The following ZFAT variants were observed in gnomAD, a reference collection of about 807,000 sequenced individuals.
ZFAT encodes zinc finger protein ZFAT.
ZFAT carries 64 observed loss-of-function variants against 117.7 expected under a neutral mutation model. The ratio of observed to expected loss-of-function variants is 0.54; its 90% CI spans 0.44 to 0.67. The LOEUF is 0.67. ZFAT is among the 30% of genes least tolerant of loss of function. ZFAT has a pLI of 0.00. For synonymous variants in ZFAT, 679 were observed against 615.0 expected, an observed-to-expected ratio of 1.10 and a Z score of -1.54; for missense variants, 1,433 against 1,584.5, an observed-to-expected ratio of 0.90 and a Z score of 1.62.
intron 11 of ZFAT, among the ~76,000 whole-genome samples, chr8:134,549,456 A>G (rs1822969135): frequency 6.6e-6 from 1 of 151,606 alleles, no homozygotes; most frequent in South Asian, 2.1e-4. Flanking sequence ...AAAAAAAAAA[A>G]AAAAAGAAGA....
chr8:134,795,373 G>C, the ZFAT span: 2 of 152,180 alleles, frequency 1.3e-5, no homozygotes, highest in Admixed American at 1.3e-4. Context: ...CATGCCTACA[G>C]ACTGCAGGGG....
At chr8:134,799,303 T>C in the ZFAT span, among the ~76,000 whole-genome samples, 42 of 152,288 alleles carry the variant, frequency 2.8e-4, no homozygotes, top group Admixed American at 1.5e-3. Context: ...ATACAGACAC[T>C]TGCCAAGCTG....
upstream of ZFAT, among the ~76,000 whole-genome samples, chr8:134,713,264 T>G (rs778306100): frequency 2.0e-5 from 3 of 151,976 alleles, no homozygotes; most frequent in Non-Finnish European, 4.4e-5. Context: ...GGGTCAGGAG[T>G]CTGGCGGTTG....
rs561349388 is a variant in ZFAT, at chr8:134,637,490, A to G, written c.419T>C (p.Leu140Pro). The G allele has an allele frequency of 6.2e-7, 1 of 1,611,814 alleles. No individual in the cohort carries two copies. Among genetic ancestry groups the G allele is most frequent in the South Asian group, 1.1e-5 (1 of 91,052 alleles). The change falls in exon 3 of 16, where the codon CTG (leucine) becomes CCG (proline). Residue 140 changes from leucine to proline, a missense_variant. Leu to Pro is a moderately conservative substitution (Grantham distance 98, BLOSUM62 -3). This residue lies in a region of ZFAT where 436 missense variants were observed against 482.0 expected (regional missense o/e 0.90). Coordinates refer to ENST00000377838, the MANE Select transcript of ZFAT (RefSeq NM_020863.4). The stretch of plus-strand genomic sequence containing the variant: ...TTCTCCTTCCTCCTCACCCAAATTC[A>G]GCACGATAATGCAGATGTGCTTCCG... ...QLRKHICIIVLNLGEEEGEAG... is the reference protein window; with the variant it reads ...QLRKHICIIVPNLGEEEGEAG...
chr8:134,567,521 C>G (rs1206084766), intron 10 of ZFAT, among the ~76,000 whole-genome samples: 2 of 151,990 alleles, frequency 1.3e-5, no homozygotes, highest in Non-Finnish European at 2.9e-5. Context: ...ACCCATCTAT[C>G]CACACATGCA....
intron 1 of ZFAT, among the ~76,000 whole-genome samples, chr8:134,665,949 G>C (rs1832194333): frequency 6.6e-6 from 1 of 152,148 alleles, no homozygotes; most frequent in African/African-American, 2.4e-5. Context: ...GAGGCCTCAA[G>C]TAAAAACTCA....
chr8:134,590,164 A>C (rs1826357549), intron 8 of ZFAT, 104 bp downstream of exon 8: 5 of 783,644 alleles, frequency 6.4e-6, no homozygotes. Flanking sequence ...TCACAGCTTC[A>C]TCCCTTTTTA....
chr8:134,770,129 C>T, the ZFAT span, among the ~76,000 whole-genome samples: 1 of 152,234 alleles, frequency 6.6e-6, no homozygotes, highest in Non-Finnish European at 1.5e-5. Flanking sequence ...TAACATTCAG[C>T]TCCTCCTTAC....
At chr8:134,502,271 C>G (rs565037123) in intron 15 of ZFAT, among the ~76,000 whole-genome samples, 2 of 152,202 alleles carry the variant, frequency 1.3e-5, no homozygotes, top group Non-Finnish European at 2.9e-5. Context: ...GTCCCTTCTG[C>G]AGAGCGGCTT....
At chr8:134,669,504 G>T (rs986239020) in intron 1 of ZFAT, among the ~76,000 whole-genome samples, 10 of 152,124 alleles carry the variant, frequency 6.6e-5, no homozygotes, top group Non-Finnish European at 7.3e-5. Flanking sequence ...GCCAAACTAA[G>T]CTTCATAAGT....
chr8:134,565,179 G>A, intron 11 of ZFAT, 154 bp downstream of exon 11: 21 of 1,534,792 alleles, frequency 1.4e-5, no homozygotes, highest in Non-Finnish European at 1.8e-5. Flanking sequence ...CAAATAAGCT[G>A]CACTATGCCT....
Position 134,637,554 on chromosome 8 carries a change from T to C in ZFAT, c.355A>G (p.Ser119Gly), listed in dbSNP as rs1182129219. The stretch of plus-strand genomic sequence containing the variant: ...TTGGAGAACTTCCGACAGCACTTGC[T>C]ACACTCCAAGCTGCTTGGAGGCAGG... ...NSLPPSSLEC[S>G]KCCRKFSNTR... is the part of the protein sequence containing the mutation. Residue 119 changes from serine (S) to glycine (G), a missense_variant, in exon 3 of 16, where the codon AGC (serine) becomes GGC (glycine). Transcript: ENST00000377838. 4 of 1,614,138 alleles carry C rather than the reference T, an allele frequency of 2.5e-6. No individual in the cohort carries two copies. The African/African-American group carries it at 5.3e-5, about 22-fold the overall frequency.
the ZFAT span, chr8:134,796,618 T>G: frequency 6.6e-6 from 1 of 152,160 alleles, no homozygotes; most frequent in African/African-American, 2.4e-5. Context: ...ATGTGTCACT[T>G]GACAGACTTG....
At chr8:134,646,189 A>T (rs1473160647) in intron 2 of ZFAT, among the ~76,000 whole-genome samples, 1 of 152,222 alleles carries the variant, frequency 6.6e-6, no homozygotes, top group East Asian at 1.9e-4. Flanking sequence ...AGCCTGGGCG[A>T]AAGAGCGAAA....
intron 10 of ZFAT, among the ~76,000 whole-genome samples, chr8:134,573,847 G>A (rs1825112629): frequency 6.6e-6 from 1 of 152,210 alleles, no homozygotes; most frequent in Non-Finnish European, 1.5e-5. Flanking sequence ...AGCGCTGCCT[G>A]GGCCTGGCAA....
At chr8:134,494,624 G>A (rs1038119852) in intron 15 of ZFAT, among the ~76,000 whole-genome samples, 1 of 152,210 alleles carries the variant, frequency 6.6e-6, no homozygotes, top group East Asian at 1.9e-4. Context: ...GAAGGAAAAC[G>A]GAGCTGGCAG....
intron 15 of ZFAT, among the ~76,000 whole-genome samples, chr8:134,502,051 A>G (rs1358867064): frequency 6.6e-6 from 1 of 152,260 alleles, no homozygotes; most frequent in Non-Finnish European, 1.5e-5. Context: ...ACAGTTGTAG[A>G]ATAGAGCGCT....
At chr8:134,759,183 A>G in the ZFAT span, among the ~76,000 whole-genome samples, 29 of 152,246 alleles carry the variant, frequency 1.9e-4, no homozygotes, top group African/African-American at 6.5e-4. Context: ...GTATAGCACT[A>G]TAAAGTTTAT....
At chr8:134,793,732 C>CGGGGT in the ZFAT span, 7 of 148,322 alleles carry the variant, frequency 4.7e-5, no homozygotes, top group Admixed American at 1.3e-4. Flanking sequence ...GTCAAGAGTC[C>CGGGGT]GGGGGCTGGA....
Sources: gnomAD v4.1 joint callset for allele counts (sites outside exome capture counted in the v4.1 genomes callset) on GRCh38, gnomAD v4.1.1 for gene constraint, gnomAD v4.1.1 regional missense constraint, MANE v1.5 for transcripts, NCBI Gene and HGNC (gene_info 2026-07-23, HGNC 2026-07-21) for gene names.